Variants in IFT57 observed in about 807,000 individuals in gnomAD.
IFT57 encodes the protein intraflagellar transport 57, also known as intraflagellar transport protein 57 homolog.
In IFT57, 59 loss-of-function variants were observed where a neutral mutation model predicts 56.8. The ratio of observed to expected loss-of-function variants is 1.04; its 90% confidence interval spans 0.84 to 1.29. The LOEUF is 1.29. Ranked by LOEUF, IFT57 falls within the 50% of genes most tolerant of loss-of-function variation. The probability of loss-of-function intolerance (pLI) is 0.00; values close to 1 mark genes in which losing one functional copy is unlikely to be tolerated. For missense variants in IFT57, 470 were observed against 522.1 expected, an observed-to-expected ratio of 0.90 and a Z score of 0.97; for synonymous variants, 209 against 186.1, an observed-to-expected ratio of 1.12 and a Z score of -1.00.
chr3:108,213,355 G>A (rs539479708), intron 4 of IFT57, among the ~76,000 whole-genome samples: 11 of 152,006 alleles, frequency 7.2e-5, no homozygotes, highest in African/African-American at 2.4e-4. Context: ...AAAATACCAG[G>A]GTCAATCTAA....
At chr3:108,173,254 A>AAC (rs139618382) in intron 6 of IFT57, among the ~76,000 whole-genome samples, 14,584 of 151,464 alleles carry the variant, frequency 0.096, 760 homozygotes, top group Middle Eastern at 0.12. Context: ...AACATATGCA[A>AAC]ACACACACAC....
chr3:108,211,759 T>C (rs766189284), intron 4 of IFT57, among the ~76,000 whole-genome samples: 2 of 152,224 alleles, frequency 1.3e-5, no homozygotes, highest in Non-Finnish European at 2.9e-5. Context: ...TTTATTTACA[T>C]TGCTGTTAAA....
Position 108,161,379 on chromosome 3 carries a change from G to A in IFT57, c.*1098C>T, listed in dbSNP as rs1387982665. 1 of 152,088 alleles carries A rather than the reference G, an allele frequency of 6.6e-6. No homozygotes were observed. The highest frequency in any genetic ancestry group is 1.5e-5 in the Non-Finnish European group (1 of 68,002). The allele number at this position is 152,088 out of a possible 1,614,324, so 9.4% of individuals were successfully genotyped here. On this transcript the variant is annotated 3_prime_UTR_variant, in exon 11 of 11. Transcript: ENST00000264538. ...GGGAAAGATCTGTGTATGTGAGCAT[G>A]TTGGGGAATACATCTAGAAAGAAAA...
At chr3:108,182,591 T>C (rs192038435) in intron 6 of IFT57, among the ~76,000 whole-genome samples, 3 of 152,276 alleles carry the variant, frequency 2.0e-5, no homozygotes, top group East Asian at 1.9e-4. Flanking sequence ...AGTTTATTTA[T>C]GTTAAACCAA....
intron 4 of IFT57, among the ~76,000 whole-genome samples, chr3:108,211,643 T>C (rs957916067): frequency 2.0e-5 from 3 of 152,384 alleles, no homozygotes; most frequent in African/African-American, 7.2e-5. Flanking sequence ...GTCTTGACCT[T>C]TAAAATCCAT....
Position 108,214,010 on chromosome 3 carries a change from G to T in IFT57, c.506C>A (p.Pro169Gln). The T allele has an allele frequency of 6.3e-7, 1 of 1,588,942 alleles. No homozygotes were observed. Among genetic ancestry groups the T allele is most frequent in the Non-Finnish European group, 8.6e-7 (1 of 1,157,962 alleles). ...IGFTWKRPIY[P>Q]VEELEEESVA... The stretch of plus-strand genomic sequence containing the variant: ...GCTTTCTTCTTCTAATTCTTCTACT[G>T]GGTATATTGGCCTAAAATAATAAGA... The change falls in exon 4 of 11, where the codon CCA becomes CAA. Residue 169 changes from proline to glutamine, a missense_variant. By Grantham distance (76) the Pro-to-Gln change is moderately conservative. Coordinates refer to ENST00000264538, the MANE Select transcript of IFT57 (RefSeq NM_018010.4).
chr3:108,214,075 A>G, intron 3 of IFT57, 54 bp from the exon 4 acceptor site: 1 of 1,055,362 alleles, frequency 9.5e-7, no homozygotes, highest in Non-Finnish European at 1.4e-6. Flanking sequence ...AGTAAGACAA[A>G]AAAATCATAA....
intron 4 of IFT57, among the ~76,000 whole-genome samples, chr3:108,211,197 G>A (rs2080341113): frequency 6.6e-6 from 1 of 152,118 alleles, no homozygotes; most frequent in Admixed American, 6.5e-5. Flanking sequence ...CCTCAGACTA[G>A]CAGTTCTTAG....
intron 6 of IFT57, among the ~76,000 whole-genome samples, chr3:108,179,079 C>T (rs1340809306): frequency 6.6e-6 from 1 of 151,936 alleles, no homozygotes; most frequent in Non-Finnish European, 1.5e-5. Flanking sequence ...AAATCCGCCA[C>T]TGAAAGAGTG....
At chr3:108,175,802 TAA>T (rs34812485) in intron 6 of IFT57, among the ~76,000 whole-genome samples, 14 of 146,722 alleles carry the variant, frequency 9.5e-5, no homozygotes, top group Non-Finnish European at 9.0e-5. Context: ...AAACCTTCTT[TAA>T]AAAAAAAAAA....
At chr3:108,200,444 G>A (rs921582) in intron 5 of IFT57, among the ~76,000 whole-genome samples, 14,592 of 152,084 alleles carry the variant, frequency 0.096, 762 homozygotes, top group Middle Eastern at 0.12. Flanking sequence ...GCCAGGGGTA[G>A]GTGGTAAGTG....
At position 108,222,177 on chromosome 3, in the gene IFT57, TC is replaced by T. The variant is rs760161621; in HGVS notation, c.145del (p.Glu49ArgfsTer3). On this transcript the variant is annotated frameshift_variant, in exon 1 of 11. Transcript: ENST00000264538. LOFTEE classifies it high-confidence loss of function. ...HMFVVMEDLV[E>X]KLKLLRYEEE... ...CTCGTAGCGGAGCAGCTTCAGCTTC[TC>T]CACCAAGTCCTCCATCACCACGAAC... is the stretch of plus-strand genomic sequence containing the variant. The T allele has an allele frequency of 1.2e-5, 19 of 1,614,008 alleles. No individual in the cohort carries two copies. The South Asian group carries it at 2.0e-4, about 17-fold the overall frequency.
intron 6 of IFT57, among the ~76,000 whole-genome samples, chr3:108,188,340 T>A (rs1210054116): frequency 6.6e-6 from 1 of 152,216 alleles, no homozygotes; most frequent in Non-Finnish European, 1.5e-5. Flanking sequence ...CATTTATTTT[T>A]AAATAAGCTA....
At chr3:108,173,808 G>GTGTATA (rs771647277) in intron 6 of IFT57, among the ~76,000 whole-genome samples, 3 of 127,088 alleles carry the variant, frequency 2.4e-5, no homozygotes, top group African/African-American at 9.3e-5. Flanking sequence ...GTGTGTGTGT[G>GTGTATA]TATATAATAT....
At chr3:108,177,789 T>A (rs1257154452) in intron 6 of IFT57, among the ~76,000 whole-genome samples, 1 of 151,782 alleles carries the variant, frequency 6.6e-6, no homozygotes, top group Non-Finnish European at 1.5e-5. Flanking sequence ...GGAAGCATTC[T>A]CCCTGATAAC....
intron 1 of IFT57, among the ~76,000 whole-genome samples, chr3:108,219,993 A>G (rs999085650): frequency 6.6e-6 from 1 of 152,246 alleles, no homozygotes; most frequent in Non-Finnish European, 1.5e-5. Flanking sequence ...TTTCTAACCT[A>G]TCACCTATGG....
intron 6 of IFT57, among the ~76,000 whole-genome samples, chr3:108,187,657 G>A (rs2080192057): frequency 6.6e-6 from 1 of 150,430 alleles, no homozygotes; most frequent in Non-Finnish European, 1.5e-5. Context: ...AAAAAAAAGT[G>A]TGAGAGAAAA....
chr3:108,212,418 C>G (rs781608106), intron 4 of IFT57, among the ~76,000 whole-genome samples: 3 of 152,110 alleles, frequency 2.0e-5, no homozygotes, highest in Non-Finnish European at 4.4e-5. Context: ...GTCCCCTCCT[C>G]TGTCTCTGGT....
rs62264150 is a variant in IFT57 at position 108,165,422 on chromosome 3, A to G, written c.1044+9T>C. The G allele has an allele frequency of 0.099, 159,169 of 1,608,864 alleles. 8,162 individuals carry two copies. Among genetic ancestry groups the G allele is most frequent in the Middle Eastern group, 0.11 (648 of 6,030 alleles). On this transcript the variant is annotated intron_variant, in intron 9 of 10. Coordinates refer to ENST00000264538, the MANE Select transcript of IFT57 (RefSeq NM_018010.4). ...AGGTGAGAAGCAGGGCAAGAGCATC[A>G]GTGTGTACCTCAGAGAGGAGTCTGG...
Sources: allele counts gnomAD v4.1 joint callset (sites outside exome capture counted in the v4.1 genomes callset), GRCh38; gene constraint gnomAD v4.1.1; transcripts MANE v1.5; gene names NCBI Gene and HGNC (gene_info 2026-07-23, HGNC 2026-07-21).